Variants in MYH15 observed in about 807,000 individuals in gnomAD.
The protein encoded by MYH15 is myosin heavy chain 15.
A neutral mutation model predicts 240.5 loss-of-function variants in MYH15; 227 were observed. The observed-to-expected ratio is 0.94, with a 90% CI of 0.85 to 1.05. MYH15 has a LOEUF of 1.05. MYH15 is among the 50% of genes least tolerant of loss of function. MYH15 has a pLI of 0.00. For missense variants in MYH15, 2,217 were observed against 2,247.5 expected (o/e 0.99, Z 0.27); for synonymous variants, 785 against 796.7 (o/e 0.99, Z 0.25).
At chr3:108,456,109 G>A (rs1346470013) in intron 19 of MYH15, among the ~76,000 whole-genome samples, 1 of 152,056 alleles carries the variant, frequency 6.6e-6, no homozygotes, top group East Asian at 1.9e-4. Flanking sequence ...TTAGGCAGGG[G>A]CAGGATTGGA....
In MYH15 at chr3:108,440,956, C is replaced by G. The variant is rs1372565296; in HGVS notation, c.2898+62G>C. On this transcript the variant is annotated intron_variant, in intron 23 of 40. Transcript: ENST00000693548. ...GAATAGAGCAAGTCAGATACCAAAA[C>G]CTGATTTGAGAGTGGAATTCTGGCT... 3 of 1,595,876 alleles carry G rather than the reference C, an allele frequency of 1.9e-6. No homozygotes were observed. In the East Asian group the frequency reaches 6.7e-5, roughly 36 times the overall value.
chr3:108,470,095 C>T lies in MYH15; in HGVS notation c.1501G>A (p.Val501Met). 1.2e-6 allele frequency: 2 copies of T among 1,612,190 alleles called. No individual in the cohort carries two copies. The highest frequency in any genetic ancestry group is 1.7e-6 in the Non-Finnish European group (2 of 1,179,244). Reference protein sequence around the residue: ...EEYKKESIEWVSIGFGLDLQA... With the variant: ...EEYKKESIEWMSIGFGLDLQA... ...AAATCCAGACCAAAGCCAATAGACACCCATTCAATGCTTTCTTTCTTATAT... is the reference window on the plus strand; with the variant it reads ...AAATCCAGACCAAAGCCAATAGACATCCATTCAATGCTTTCTTTCTTATAT... Residue 501 changes from valine (V) to methionine (M), a missense_variant, in exon 14 of 41, where the codon GTG becomes ATG. Physicochemically the swap from Val to Met is conservative, Grantham distance 21. Transcript: ENST00000693548.
intron 37 of MYH15, among the ~76,000 whole-genome samples, chr3:108,390,650 T>C (rs2082416752): frequency 6.6e-6 from 1 of 152,212 alleles, no homozygotes; most frequent in East Asian, 1.9e-4. Flanking sequence ...GAGGGATGTA[T>C]GGACAAAACA....
At chr3:108,550,543 CAAT>C in the MYH15 span, 1 of 151,372 alleles carries the variant, frequency 6.6e-6, no homozygotes, top group Admixed American at 6.6e-5. Context: ...TAGTTTAACA[CAAT>C]GACAGTTTTC....
At chr3:108,539,404 T>C in the MYH15 span, among the ~76,000 whole-genome samples, 3 of 152,174 alleles carry the variant, frequency 2.0e-5, no homozygotes, top group Non-Finnish European at 4.4e-5. Context: ...GTTATATATA[T>C]GGGAAAACAT....
intron 1 of MYH15, among the ~76,000 whole-genome samples, chr3:108,519,464 C>T (rs2083599970): frequency 6.6e-6 from 1 of 152,048 alleles, no homozygotes; most frequent in Non-Finnish European, 1.5e-5. Context: ...CAGGGACCAG[C>T]AAAATACATG....
intron 13 of MYH15, among the ~76,000 whole-genome samples, 146 bp downstream of exon 13, chr3:108,470,539 TATTATTGATATTA>T (rs1323115098): frequency 2.0e-5 from 3 of 152,130 alleles, no homozygotes; most frequent in African/African-American, 7.2e-5. Context: ...TAACAATAAT[TATTATTGATATTA>T]ATTATAGCTC....
chr3:108,425,748 A>G (rs893691379), intron 27 of MYH15, among the ~76,000 whole-genome samples: 5 of 152,240 alleles, frequency 3.3e-5, no homozygotes, highest in Non-Finnish European at 7.3e-5. Context: ...ATTCCCATGA[A>G]TGGAACATTA....
intron 24 of MYH15, among the ~76,000 whole-genome samples, chr3:108,438,884 G>A (rs943080517): frequency 2.6e-5 from 4 of 152,094 alleles, no homozygotes; most frequent in African/African-American, 9.7e-5. Context: ...GTGGGTGTGG[G>A]TAGGTGTGTG....
chr3:108,436,114 C>T (rs148538919), intron 25 of MYH15, among the ~76,000 whole-genome samples: 1 of 152,168 alleles, frequency 6.6e-6, no homozygotes, highest in East Asian at 1.9e-4. Flanking sequence ...CCACCTTTAT[C>T]GCTTATTGTT....
rs760762410 is a variant in MYH15 at position 108,492,520 on chromosome 3, G to T, written c.851C>A (p.Ser284Tyr). 6.2e-7 allele frequency: 1 copy of T among 1,612,496 alleles called. No homozygotes were observed. Among genetic ancestry groups the T allele is most frequent in the Non-Finnish European group, 8.5e-7 (1 of 1,178,820 alleles). Residue 284 changes from serine (S) to tyrosine (Y), a missense_variant, in exon 9 of 41, where the codon TCT becomes TAT. Coordinates refer to ENST00000693548, the MANE Select transcript of MYH15 (RefSeq NM_014981.3). The stretch of plus-strand genomic sequence containing the variant: ...CTTACCATGAAGCTCTTTTTGTCCA[G>T]ATAGAATTTGATAGAATATGTGGTA... ...RNYHIFYQILSGQKELHDLLL... is the reference protein window; with the variant it reads ...RNYHIFYQILYGQKELHDLLL...
chr3:108,398,361 G>A (rs373118507), intron 35 of MYH15, among the ~76,000 whole-genome samples: 2 of 152,346 alleles, frequency 1.3e-5, no homozygotes, highest in South Asian at 4.1e-4. Flanking sequence ...AGGGAGCATG[G>A]CCCAGCTGAC....
chr3:108,507,244 T>TTCAC (rs375556540), intron 1 of MYH15, among the ~76,000 whole-genome samples: 18,874 of 64,884 alleles, frequency 0.29, 2,399 homozygotes, highest in East Asian at 0.46. Flanking sequence ...TATATATATA[T>TTCAC]ATATATATAT....
intron 33 of MYH15, among the ~76,000 whole-genome samples, chr3:108,401,778 T>C (rs1459542548): frequency 1.3e-5 from 2 of 152,324 alleles, no homozygotes; most frequent in Non-Finnish European, 2.9e-5. Context: ...AAAAGTGAGA[T>C]GGTTTAAAAG....
At chr3:108,474,172 T>C (rs1175012868) in intron 12 of MYH15, among the ~76,000 whole-genome samples, 1 of 152,110 alleles carries the variant, frequency 6.6e-6, no homozygotes, top group Non-Finnish European at 1.5e-5. Context: ...CATACATGTC[T>C]CTATTTTTAG....
intron 20 of MYH15, among the ~76,000 whole-genome samples, chr3:108,454,405 T>C (rs2083002424): frequency 6.6e-6 from 1 of 152,158 alleles, no homozygotes; most frequent in Non-Finnish European, 1.5e-5. Context: ...CTATTAATAA[T>C]GTCTCAATTG....
intron 28 of MYH15, among the ~76,000 whole-genome samples, chr3:108,420,883 A>G (rs2082677012): frequency 6.6e-6 from 1 of 152,136 alleles, no homozygotes; most frequent in African/African-American, 2.4e-5. Flanking sequence ...GAAGGGAACT[A>G]GGCAGGGGTT....
chr3:108,485,895 C>T (rs2083301697), intron 10 of MYH15, among the ~76,000 whole-genome samples: 2 of 152,026 alleles, frequency 1.3e-5, no homozygotes, highest in African/African-American at 4.8e-5. Context: ...AGATATTCAC[C>T]TCAGTGGGAG....
rs758857596 is a variant in MYH15 at position 108,399,180 on chromosome 3, C to A, written c.4824G>T (p.Lys1608Asn). 73 of 1,614,060 alleles carry A rather than the reference C, an allele frequency of 4.5e-5. No homozygotes were observed. The highest frequency in any genetic ancestry group is 5.8e-5 in the Non-Finnish European group (69 of 1,180,022). Reference sequence around the variant, plus strand: ...TCTCATTGAGGTCCTCTTCCATCTTCTTCTTCAGCCGGGTAACCTCAATTC... The same window carrying A: ...TCTCATTGAGGTCCTCTTCCATCTTATTCTTCAGCCGGGTAACCTCAATTC... ...KSRIEVTRLK[K>N]KMEEDLNEME... Residue 1608 changes from lysine (K) to asparagine (N), a missense_variant, in exon 34 of 41, where the codon AAG (lysine) becomes AAT (asparagine). Physicochemically the swap from Lys to Asn is moderately conservative, Grantham distance 94. Coordinates refer to ENST00000693548, the MANE Select transcript of MYH15 (RefSeq NM_014981.3).
Sources: allele counts gnomAD v4.1 joint callset (sites outside exome capture counted in the v4.1 genomes callset), GRCh38; gene constraint gnomAD v4.1.1; transcripts MANE v1.5; gene names NCBI Gene and HGNC (gene_info 2026-07-23, HGNC 2026-07-21).